Variants in CARD8 observed in about 807,000 individuals in gnomAD.
CARD8 encodes the protein caspase recruitment domain family member 8, also known as caspase recruitment domain-containing protein 8.
CARD8 carries 38 observed loss-of-function variants against 53.2 expected under a neutral mutation model. That is an observed-to-expected ratio of 0.71 (90% CI 0.55 to 0.94). CARD8 has a LOEUF of 0.94. Ranked by LOEUF, CARD8 falls within the 40% of genes least tolerant of loss-of-function variation. The pLI is 0.00. For synonymous variants in CARD8, 245 were observed against 244.9 expected (o/e 1.00, Z 0.00); for missense variants, 561 against 655.5 (o/e 0.86, Z 1.57).
chr19:48,233,292 A>G, intron 6 of CARD8: 1 of 455,936 alleles, frequency 2.2e-6, no homozygotes, highest in Non-Finnish European at 4.4e-6. Flanking sequence ...AAGGCAACCA[A>G]CTCCATCAAA....
downstream of CARD8, among the ~76,000 whole-genome samples, chr19:48,205,704 G>A (rs1251896964): frequency 6.6e-6 from 1 of 152,100 alleles, no homozygotes; most frequent in Non-Finnish European, 1.5e-5. Context: ...GGCCAGAGGT[G>A]TTAGAACCAG....
intron 5 of CARD8, 199 bp downstream of exon 5, chr19:48,238,184 C>T: frequency 1.0e-6 from 1 of 997,784 alleles, no homozygotes; most frequent in Non-Finnish European, 1.4e-6. Context: ...AGCCACTGGG[C>T]TCAGACCTTT....
At chr19:48,206,332 A>G, downstream of CARD8, 1 of 413,240 alleles carries the variant, frequency 2.4e-6, no homozygotes, top group Non-Finnish European at 4.9e-6. Flanking sequence ...ATGTGGGTGC[A>G]TTACATTAAT....
intron 3 of CARD8, among the ~76,000 whole-genome samples, chr19:48,248,579 T>A (rs2046486701): frequency 6.6e-6 from 1 of 152,186 alleles, no homozygotes; most frequent in African/African-American, 2.4e-5. Context: ...TAAGAAAAGC[T>A]GACAAAATCA....
At chr19:48,238,568 G>A in intron 4 of CARD8, 36 bp from the exon 5 acceptor site, 1 of 1,530,236 alleles carries the variant, frequency 6.5e-7, no homozygotes, top group East Asian at 2.5e-5. Context: ...ATGTGAGCAT[G>A]TCAGAGGAGC....
chr19:48,223,087 T>A (rs767058719), intron 10 of CARD8, among the ~76,000 whole-genome samples: 1 of 152,126 alleles, frequency 6.6e-6, no homozygotes, highest in Non-Finnish European at 1.5e-5. Context: ...GCAGATCACC[T>A]GAGGTCAGGA....
intron 6 of CARD8, 53 bp from the exon 7 acceptor site, chr19:48,232,546 T>C: frequency 2.1e-6 from 3 of 1,444,964 alleles, no homozygotes; most frequent in Non-Finnish European, 2.8e-6. Context: ...CAAGAATCAG[T>C]TGATGAAGAT....
At chr19:48,230,008 G>A (rs2042537276) in intron 10 of CARD8, among the ~76,000 whole-genome samples, 1 of 152,102 alleles carries the variant, frequency 6.6e-6, no homozygotes, top group Non-Finnish European at 1.5e-5. Flanking sequence ...AGCTACTCAA[G>A]AGGCTGAGGC....
At position 48,232,366 on chromosome 19, in the gene CARD8, GACTCTAA is replaced by G. The variant is rs1238688566; in HGVS notation, c.391+80_391+86del. 3 of 1,261,446 alleles carry G rather than the reference GACTCTAA, an allele frequency of 2.4e-6. No homozygotes were observed. In the African/African-American group the frequency reaches 4.4e-5, roughly 19 times the overall value. 78.1% of individuals were successfully genotyped at this position (1,261,446 alleles called of 1,614,324 possible). On this transcript the variant is annotated intron_variant, in intron 7 of 13. Transcript: ENST00000651546. ...GAAAGCACTCCTGATCTGCACAAAAGACTCTAAATTGTCTTCTTCACATAAAATCACA... is the reference window on the plus strand; with the variant it reads ...GAAAGCACTCCTGATCTGCACAAAAGATTGTCTTCTTCACATAAAATCACA...
At position 48,218,971 on chromosome 19, in the gene CARD8, G is replaced by A. The variant is rs2039945296; in HGVS notation, c.1203C>T (p.His401=). 2 of 1,613,656 alleles carry A rather than the reference G, an allele frequency of 1.2e-6. No homozygotes were observed. Among genetic ancestry groups the A allele is most frequent in the African/African-American group, 2.7e-5 (2 of 74,888 alleles). The part of the protein sequence containing the change: ...LSYRSPGEIQ[H]FSKFYAGQMK... ...TCTGCCCAGCATAGAATTTTGAGAA[G>A]TGCTGAATTTCTCCAGGGCTCCTGT... The change falls in exon 12 of 14, where the codon CAC becomes CAT. Residue 401 remains histidine (H), a synonymous_variant. Transcript: ENST00000651546.
rs934161281 is a variant in CARD8, at chr19:48,221,775, G to A, written c.1116C>T (p.Ser372=). The change falls in exon 11 of 14, where the codon TCC becomes TCT. Residue 372 remains serine (S), a synonymous_variant. Transcript: ENST00000651546. ...TAGCAGAATTAGACACAATATAACT[G>A]GAACCAAAGTTCAGGGGTTCCATTG... The part of the protein sequence containing the change: ...SPPMEPLNFG[S]SYIVSNSANL... 1.9e-6 allele frequency: 3 copies of A among 1,608,316 alleles called. No homozygotes were observed. The highest frequency in any genetic ancestry group is 2.2e-5 in the South Asian group (2 of 90,480).
chr19:48,234,316 A>G, intron 6 of CARD8, 87 bp downstream of exon 6: 2 of 1,388,500 alleles, frequency 1.4e-6, no homozygotes, highest in Non-Finnish European at 2.0e-6. Context: ...TTCGATGAAA[A>G]ACACCCAAAT....
chr19:48,240,744 G>A (rs1448341542), intron 4 of CARD8, among the ~76,000 whole-genome samples: 1 of 150,404 alleles, frequency 6.6e-6, no homozygotes, highest in East Asian at 1.9e-4. Context: ...ACTCTGGCCT[G>A]GGCAACAAAA....
chr19:48,215,301 C>T, intron 13 of CARD8, 39 bp downstream of exon 13: 2 of 1,492,008 alleles, frequency 1.3e-6, no homozygotes, highest in Non-Finnish European at 1.9e-6. Flanking sequence ...CTTGATGTCT[C>T]ATACATACCC....
chr19:48,238,421 T>C lies in CARD8; in HGVS notation c.171A>G (p.Gly57=). 6.5e-7 allele frequency: 1 copy of C among 1,536,126 alleles called. No homozygotes were observed. The highest frequency in any genetic ancestry group is 8.7e-7 in the Non-Finnish European group (1 of 1,146,900). ...CACAGGCCTCAGCCTGAAAAAAAAT[T>C]CCAGTTTTTGTGTATTGCAGTTCCC... ...SIRELQYTKT[G]IFFQAEACVT... Residue 57 remains glycine, a synonymous_variant, in exon 5 of 14, where the codon GGA becomes GGG. Coordinates refer to ENST00000651546, the MANE Select transcript of CARD8 (RefSeq NM_001184900.3).
At chr19:48,230,359 C>G (rs140740487) in intron 10 of CARD8, 79 bp downstream of exon 10, 9 of 1,465,714 alleles carry the variant, frequency 6.1e-6, no homozygotes, top group South Asian at 1.3e-5. Context: ...TTCTGTTCCA[C>G]GAGGAACTGG....
At chr19:48,243,646 ACTT>A (rs1311440695) in intron 3 of CARD8, among the ~76,000 whole-genome samples, 9 of 152,098 alleles carry the variant, frequency 5.9e-5, no homozygotes, top group Non-Finnish European at 4.4e-5. Flanking sequence ...CATTCAAATT[ACTT>A]CTTATTTAGT....
chr19:48,214,036 G>T lies in CARD8; in HGVS notation c.1348+1304C>A, dbSNP rs145863265. ...TACTTTAACTTAGAGTTCCCCAGAC[G>T]CAAGATATTAAATATTTACCCCCAA... On this transcript the variant is annotated intron_variant, in intron 13 of 13. Coordinates refer to ENST00000651546, the MANE Select transcript of CARD8 (RefSeq NM_001184900.3). Among the ~76,000 whole-genome samples, 41 of 152,282 alleles carry T rather than the reference G, an allele frequency of 2.7e-4. No individual in the cohort carries two copies. The East Asian group carries it at 6.2e-3, about 23-fold the overall frequency.
chr19:48,204,497 G>T (rs1029367823), downstream of CARD8, among the ~76,000 whole-genome samples: 12 of 152,194 alleles, frequency 7.9e-5, no homozygotes, highest in South Asian at 4.1e-4. Flanking sequence ...AAGTGGAAAC[G>T]CAGTAGGATC....
Sources: allele counts gnomAD v4.1 joint callset (sites outside exome capture counted in the v4.1 genomes callset), GRCh38; gene constraint gnomAD v4.1.1; transcripts MANE v1.5; gene names NCBI Gene and HGNC (gene_info 2026-07-23, HGNC 2026-07-21).